Variants in CDKN3 observed in about 807,000 individuals in gnomAD.
The protein encoded by CDKN3 is cyclin dependent kinase inhibitor 3.
Under a neutral mutation model 36.1 loss-of-function variants are expected in CDKN3, and 19 were observed. That is an observed-to-expected ratio of 0.53 (90% CI 0.37 to 0.77). The LOEUF is 0.77. Ranked by LOEUF, CDKN3 falls within the 30% of genes least tolerant of loss-of-function variation. The probability of loss-of-function intolerance (pLI) is 0.00; values close to 1 mark genes in which losing one functional copy is unlikely to be tolerated. For synonymous variants in CDKN3, 71 were observed against 85.3 expected, an observed-to-expected ratio of 0.83 and a Z score of 0.92; for missense variants, 188 against 248.6, an observed-to-expected ratio of 0.76 and a Z score of 1.64.
chr14:54,408,679 G>A (rs2030247265), intron 3 of CDKN3, 66 bp from the exon 4 acceptor site: 1 of 1,500,794 alleles, frequency 6.7e-7, no homozygotes, highest in South Asian at 1.3e-5. Flanking sequence ...CTATATAAGT[G>A]TTTAAACATA....
intron 3 of CDKN3, among the ~76,000 whole-genome samples, chr14:54,405,130 T>G (rs2030111972): frequency 1.3e-5 from 2 of 152,202 alleles, no homozygotes; most frequent in African/African-American, 4.8e-5. Flanking sequence ...GTTGTTCAGT[T>G]TCCATGTAGT....
chr14:54,403,096 G>T (rs998866252), intron 3 of CDKN3, among the ~76,000 whole-genome samples: 5 of 152,172 alleles, frequency 3.3e-5, no homozygotes, highest in East Asian at 1.9e-4. Flanking sequence ...GAAAGTCAAT[G>T]GTAGCTTGAT....
At position 54,401,550 on chromosome 14, in the gene CDKN3, C is replaced by T; in HGVS notation, c.119C>T (p.Ser40Phe). ...CTATCTTTGTCACGAGTGAATTGTT[C>T]TCAGTTTCTCGGTTTATGTGCTCTT... ...SWLSLSRVNCSQFLGLCALPG... is the reference protein window; with the variant it reads ...SWLSLSRVNCFQFLGLCALPG... The change falls in exon 3 of 8, where the codon TCT becomes TTT. Residue 40 changes from serine to phenylalanine, a missense_variant. Physicochemically the swap from Ser to Phe is radical, Grantham distance 155. Coordinates refer to ENST00000335183, the MANE Select transcript of CDKN3 (RefSeq NM_005192.4). 6.2e-7 allele frequency: 1 copy of T among 1,610,838 alleles called. No individual in the cohort carries two copies. Among genetic ancestry groups the T allele is most frequent in the Non-Finnish European group, 8.5e-7 (1 of 1,178,158 alleles).
At chr14:54,403,819 G>C (rs924874451) in intron 3 of CDKN3, among the ~76,000 whole-genome samples, 3 of 152,168 alleles carry the variant, frequency 2.0e-5, no homozygotes, top group Admixed American at 1.3e-4. Context: ...CACTGATTCT[G>C]TTTATGTGAT....
At chr14:54,405,943 T>C (rs1011134982) in intron 3 of CDKN3, among the ~76,000 whole-genome samples, 3 of 152,250 alleles carry the variant, frequency 2.0e-5, no homozygotes, top group African/African-American at 7.2e-5. Context: ...TGATGGTCTT[T>C]GCATTTTTGT....
chr14:54,399,768 A>C, intron 1 of CDKN3, 126 bp from the exon 2 acceptor site: 1 of 671,056 alleles, frequency 1.5e-6, no homozygotes, highest in Non-Finnish European at 2.7e-6. Context: ...TGATCTCGTT[A>C]ATATTCTGGA....
intron 6 of CDKN3, 103 bp from the exon 7 acceptor site, chr14:54,417,745 T>TA (rs2030596336): frequency 1.7e-6 from 1 of 580,316 alleles, no homozygotes; most frequent in Non-Finnish European, 3.1e-6. Context: ...TTGGAACAAT[T>TA]ACACCAGTCT....
Position 54,397,065 on chromosome 14 carries a change from A to G in CDKN3, c.-4A>G, listed in dbSNP as rs1050864568. On this transcript the variant is annotated 5_prime_UTR_variant, in exon 1 of 8. Transcript: ENST00000335183. ...GCACTGGTCTCGACGTGGGGCGGCC[A>G]GCGATGAAGCCGGTGAGTCGGACGT... The G allele has an allele frequency of 4.0e-6, 6 of 1,501,168 alleles. No individual in the cohort carries two copies. The highest frequency in any genetic ancestry group is 1.3e-5 in the South Asian group (1 of 79,276). 93.0% of individuals were successfully genotyped at this position (1,501,168 alleles called of 1,614,324 possible).
At chr14:54,403,162 T>C (rs189786422) in intron 3 of CDKN3, among the ~76,000 whole-genome samples, 46 of 152,354 alleles carry the variant, frequency 3.0e-4, no homozygotes, top group African/African-American at 1.1e-3. Flanking sequence ...TTTCATGATA[T>C]TGATTCTTCC....
At chr14:54,398,832 AC>A (rs1886392159) in intron 1 of CDKN3, among the ~76,000 whole-genome samples, 1 of 151,860 alleles carries the variant, frequency 6.6e-6, no homozygotes, top group Non-Finnish European at 1.5e-5. Context: ...CACCTACACC[AC>A]CCCCACCAAA....
chr14:54,416,343 C>T (rs978113371), intron 6 of CDKN3, among the ~76,000 whole-genome samples: 3 of 152,034 alleles, frequency 2.0e-5, no homozygotes, highest in African/African-American at 4.8e-5. Flanking sequence ...CGTGAAATGC[C>T]ACACTGGAGT....
intron 1 of CDKN3, 22 bp downstream of exon 1, chr14:54,397,099 T>C: frequency 6.7e-7 from 1 of 1,494,270 alleles, no homozygotes; most frequent in South Asian, 1.3e-5. Flanking sequence ...GTGCTGGGGT[T>C]TGGAGGAGCG....
intron 7 of CDKN3, among the ~76,000 whole-genome samples, 165 bp from the exon 8 acceptor site, chr14:54,419,827 A>G (rs888327769): frequency 2.6e-5 from 4 of 152,192 alleles, no homozygotes; most frequent in African/African-American, 9.6e-5. Flanking sequence ...ATATGGCTTT[A>G]CTAAAAGATA....
chr14:54,401,075 C>T (rs573652415), intron 2 of CDKN3, among the ~76,000 whole-genome samples: 12 of 152,294 alleles, frequency 7.9e-5, no homozygotes, highest in Non-Finnish European at 1.6e-4. Context: ...CATAAGTACA[C>T]CGTATACTAC....
chr14:54,400,628 A>G (rs1202482714), intron 2 of CDKN3, among the ~76,000 whole-genome samples: 1 of 152,246 alleles, frequency 6.6e-6, no homozygotes, highest in East Asian at 1.9e-4. Context: ...CTCTCTTCTT[A>G]AGAAAGCACT....
intron 4 of CDKN3, chr14:54,411,176 C>CAAAAAA (rs376186329): frequency 5.7e-5 from 7 of 123,584 alleles, no homozygotes; most frequent in Non-Finnish European, 8.5e-5. Flanking sequence ...GACTCCATCT[C>CAAAAAA]AAAAAAAAAA....
chr14:54,409,923 A>C (rs1418343451), intron 4 of CDKN3, among the ~76,000 whole-genome samples: 1 of 152,114 alleles, frequency 6.6e-6, no homozygotes, highest in Non-Finnish European at 1.5e-5. Context: ...TTACCTACCA[A>C]AAAAAGACTT....
rs1371693301 is a variant in CDKN3, at chr14:54,401,614, GTA to G, written c.148+41_148+42del. 5.1e-6 allele frequency: 7 copies of G among 1,371,926 alleles called. No individual in the cohort carries two copies. The African/African-American group carries it at 1.0e-4, about 20-fold the overall frequency. The allele number at this position is 1,371,926 out of a possible 1,614,324, so 85.0% of individuals were successfully genotyped here. A position where few individuals can be genotyped will look rare whatever the true frequency, so the allele number is the denominator to read the frequency against. ...ACAATAATGGGCTTCCTATCAATAT[GTA>G]TATATTTTTTAATATATTTTTATTG... On this transcript the variant is annotated intron_variant, in intron 3 of 7. Transcript: ENST00000335183.
chr14:54,406,232 T>G (rs1174495872), intron 3 of CDKN3, among the ~76,000 whole-genome samples: 1 of 152,258 alleles, frequency 6.6e-6, no homozygotes, highest in Non-Finnish European at 1.5e-5. Flanking sequence ...GGCTTCCTTT[T>G]GTGGGTAACC....
Sources: gnomAD v4.1 joint callset for allele counts (sites outside exome capture counted in the v4.1 genomes callset) on GRCh38, gnomAD v4.1.1 for gene constraint, MANE v1.5 for transcripts, NCBI Gene and HGNC (gene_info 2026-07-23, HGNC 2026-07-21) for gene names.